The following RAPGEF5 variants were observed in gnomAD, a reference collection of about 807,000 sequenced individuals.
The protein encoded by RAPGEF5 is M-Ras-regulated GEF.
RAPGEF5 carries 65 observed loss-of-function variants against 125.2 expected under a neutral mutation model. The observed-to-expected ratio is 0.52, with a 90% CI of 0.43 to 0.64. The LOEUF (loss-of-function observed/expected upper bound fraction) is 0.64. RAPGEF5 is among the 30% of genes least tolerant of loss of function. RAPGEF5 has a pLI of 0.00. For missense variants in RAPGEF5, 958 were observed against 1,048.1 expected, an observed-to-expected ratio of 0.91 and a Z score of 1.19; for synonymous variants, 391 against 385.9, an observed-to-expected ratio of 1.01 and a Z score of -0.16.
At chr7:22,187,106 A>T (rs1055485491) in intron 11 of RAPGEF5, among the ~76,000 whole-genome samples, 1 of 152,228 alleles carries the variant, frequency 6.6e-6, no homozygotes, top group Non-Finnish European at 1.5e-5. Flanking sequence ...ATGTAGCAGT[A>T]ACATGAAGTT....
At chr7:22,192,938 G>A (rs1444799230) in intron 11 of RAPGEF5, 1 of 197,374 alleles carries the variant, frequency 5.1e-6, no homozygotes, top group African/African-American at 2.3e-5. Flanking sequence ...CTGCTGAGTA[G>A]TTGCATTAAT....
intron 11 of RAPGEF5, among the ~76,000 whole-genome samples, chr7:22,171,926 G>T (rs1784362312): frequency 6.6e-6 from 1 of 152,054 alleles, no homozygotes; most frequent in Admixed American, 6.6e-5. Flanking sequence ...GTGGCTTTTT[G>T]AATACAAGAA....
intron 25 of RAPGEF5, 168 bp downstream of exon 25, chr7:22,125,436 T>A (rs1782707620): frequency 6.7e-6 from 4 of 595,092 alleles, no homozygotes; most frequent in South Asian, 4.2e-5. Flanking sequence ...ATCCCCAACA[T>A]GCAGTGAGGA....
intron 1 of RAPGEF5, among the ~76,000 whole-genome samples, chr7:22,326,098 T>G (rs1170925757): frequency 6.6e-6 from 1 of 152,216 alleles, no homozygotes; most frequent in Non-Finnish European, 1.5e-5. Flanking sequence ...GTCTTAAATG[T>G]GTCTTTTCAA....
intron 14 of RAPGEF5, among the ~76,000 whole-genome samples, chr7:22,158,614 T>C (rs532009784): frequency 1.2e-4 from 19 of 152,260 alleles, no homozygotes; most frequent in Admixed American, 3.9e-4. Context: ...CATAATCTTA[T>C]AAAAATAGAC....
At chr7:22,155,692 A>T (rs557682659) in intron 16 of RAPGEF5, among the ~76,000 whole-genome samples, 69 of 152,382 alleles carry the variant, frequency 4.5e-4, no homozygotes, top group African/African-American at 1.6e-3. Flanking sequence ...AAACAACAGC[A>T]TGTAACAAAT....
intron 11 of RAPGEF5, chr7:22,191,699 A>C (rs1026083665): frequency 1.1e-5 from 5 of 469,578 alleles, no homozygotes; most frequent in Non-Finnish European, 1.8e-5. Flanking sequence ...ATATTTCCCA[A>C]TAGCAGGCAA....
Position 22,121,626 on chromosome 7 carries a change from A to G in RAPGEF5, c.*780T>C, listed in dbSNP as rs959996330. 1 of 152,246 alleles carries G rather than the reference A, an allele frequency of 6.6e-6. No individual in the cohort carries two copies. The highest frequency in any genetic ancestry group is 6.5e-5 in the Admixed American group (1 of 15,288). The allele number at this position is 152,246 out of a possible 1,614,324, so 9.4% of individuals were successfully genotyped here. On this transcript the variant is annotated 3_prime_UTR_variant, in exon 26 of 26. Transcript: ENST00000665637. ...CAATAAAAGATAAGAGCCTGCTTAGAAGTATAAAGAAAATCCCCAGAAATT... is the reference window on the plus strand; with the variant it reads ...CAATAAAAGATAAGAGCCTGCTTAGGAGTATAAAGAAAATCCCCAGAAATT...
chr7:22,249,406 T>C (rs945138719), intron 7 of RAPGEF5, among the ~76,000 whole-genome samples: 25 of 152,114 alleles, frequency 1.6e-4, no homozygotes, highest in African/African-American at 5.3e-4. Context: ...GCCAGGCTGG[T>C]CTCAAACCCC....
intron 7 of RAPGEF5, among the ~76,000 whole-genome samples, chr7:22,243,968 T>G (rs1786405500): frequency 6.6e-6 from 1 of 152,192 alleles, no homozygotes; most frequent in Admixed American, 6.5e-5. Flanking sequence ...GTTACTACCT[T>G]TCTACTCTCT....
chr7:22,225,320 T>G lies in RAPGEF5; in HGVS notation c.871-5329A>C, dbSNP rs532513542. Among the ~76,000 whole-genome samples, 9 of 152,358 alleles carry G rather than the reference T, an allele frequency of 5.9e-5. No homozygotes were observed. In the East Asian group the frequency reaches 1.5e-3, roughly 26 times the overall value. Reference sequence around the variant, plus strand: ...ATGGGCTTCAGGCTAACTTATTTCTTTAATTCTCCATCTTATAATTAAAGA... The same window carrying G: ...ATGGGCTTCAGGCTAACTTATTTCTGTAATTCTCCATCTTATAATTAAAGA... On this transcript the variant is annotated intron_variant, in intron 8 of 25. Coordinates refer to ENST00000665637, the MANE Select transcript of RAPGEF5 (RefSeq NM_012294.5).
chr7:22,335,845 CA>C (rs1784018568), intron 1 of RAPGEF5, among the ~76,000 whole-genome samples: 1 of 152,128 alleles, frequency 6.6e-6, no homozygotes. Context: ...ACTTTTCATA[CA>C]AACATGCAAA....
intron 7 of RAPGEF5, among the ~76,000 whole-genome samples, chr7:22,234,498 C>G (rs1786137043): frequency 6.6e-6 from 1 of 152,192 alleles, no homozygotes; most frequent in Non-Finnish European, 1.5e-5. Context: ...TCTCAACACA[C>G]AGAGTCTAAA....
At chr7:22,262,056 T>A (rs1283437375) in intron 7 of RAPGEF5, among the ~76,000 whole-genome samples, 19 of 152,112 alleles carry the variant, frequency 1.2e-4, no homozygotes, top group Non-Finnish European at 2.8e-4. Flanking sequence ...ATTAATAAAT[T>A]GGACTTTATC....
intron 16 of RAPGEF5, 49 bp from the exon 17 acceptor site, chr7:22,154,653 G>A: frequency 6.4e-7 from 1 of 1,570,770 alleles, no homozygotes; most frequent in Non-Finnish European, 8.6e-7. Context: ...GTGGTCACGA[G>A]GTATAGACTT....
intron 1 of RAPGEF5, among the ~76,000 whole-genome samples, chr7:22,322,942 G>A (rs1307525671): frequency 6.6e-6 from 1 of 152,202 alleles, no homozygotes; most frequent in Non-Finnish European, 1.5e-5. Context: ...ATGGGGCTTG[G>A]AGCACTGCTC....
chr7:22,332,213 TC>T (rs983422439), intron 1 of RAPGEF5, among the ~76,000 whole-genome samples: 2 of 152,134 alleles, frequency 1.3e-5, no homozygotes, highest in Non-Finnish European at 2.9e-5. Flanking sequence ...AACTAAAGCC[TC>T]CCGGTTGAAG....
intron 18 of RAPGEF5, among the ~76,000 whole-genome samples, 188 bp downstream of exon 18, chr7:22,150,219 G>A (rs762169732): frequency 5.3e-4 from 81 of 151,678 alleles, no homozygotes; most frequent in Non-Finnish European, 6.0e-4. Context: ...GGGACAACAG[G>A]TGTGTACTAC....
chr7:22,292,019 C>T (rs376192786), intron 5 of RAPGEF5, among the ~76,000 whole-genome samples: 5 of 152,266 alleles, frequency 3.3e-5, no homozygotes, highest in African/African-American at 9.6e-5. Context: ...CTGACTAATG[C>T]TATTGAATAT....
Sources: allele counts gnomAD v4.1 joint callset (sites outside exome capture counted in the v4.1 genomes callset), GRCh38; gene constraint gnomAD v4.1.1; transcripts MANE v1.5; gene names NCBI Gene and HGNC (gene_info 2026-07-23, HGNC 2026-07-21).